AMPD2: variants seen among roughly 807,000 people sequenced by gnomAD.
AMPD2 encodes AMP deaminase 2.
In AMPD2, 52 loss-of-function variants were observed where a neutral mutation model predicts 91.3. The ratio of observed to expected loss-of-function variants is 0.57; its 90% CI spans 0.46 to 0.72. The LOEUF is 0.72. Among genes scored for constraint, AMPD2 ranks in the 30% least tolerant of loss-of-function variants. The pLI is 0.00. For missense variants in AMPD2, 822 were observed against 1,122.3 expected (o/e 0.73, Z 3.82); for synonymous variants, 455 against 456.4 (o/e 1.00, Z 0.04).
Position 109,624,100 on chromosome 1 carries a change from G to A in AMPD2, c.92-1203G>A. On this transcript the variant is annotated intron_variant, in intron 2 of 18. Transcript: ENST00000528667. The surrounding 1 kb of genome is among the most constrained non-coding windows in gnomAD (Gnocchi z 5.2). ...GCCTGCACTCTGCAGGTAGGGTTCA[G>A]GCAGGGGCCGGGGTGCGCAGGGGAC... is the stretch of plus-strand genomic sequence containing the variant. 1.0e-6 allele frequency: 1 copy of A among 985,490 alleles called. No homozygotes were observed. The highest frequency in any genetic ancestry group is 1.2e-6 in the Non-Finnish European group (1 of 829,920). 61.0% of individuals were successfully genotyped at this position (985,490 alleles called of 1,614,324 possible).
chr1:109,630,252 T>C lies in AMPD2; in HGVS notation c.2003T>C (p.Leu668Pro). Reference sequence around the variant, plus strand: ...GCCCAGGCCCCCGTCCTGCAGTACCTGTACTACCTGGCCCAGATCGGCATC... The same window carrying C: ...GCCCAGGCCCCCGTCCTGCAGTACCCGTACTACCTGGCCCAGATCGGCATC... ...LLRKAPVLQY[L>P]YYLAQIGIAM... The change falls in exon 17 of 19, where the codon CTG (leucine) becomes CCG (proline). Residue 668 changes from leucine to proline, a missense_variant. Transcript: ENST00000528667. 1 of 1,613,318 alleles carries C rather than the reference T, an allele frequency of 6.2e-7. No individual in the cohort carries two copies. Among genetic ancestry groups the C allele is most frequent in the Non-Finnish European group, 8.5e-7 (1 of 1,179,992 alleles).
chr1:109,626,106 G>A, intron 4 of AMPD2, 54 bp from the exon 5 acceptor site: 25 of 1,598,522 alleles, frequency 1.6e-5, no homozygotes, highest in Non-Finnish European at 2.1e-5. Context: ...TGGGACCTGG[G>A]AGCAAGGGCC....
chr1:109,621,056 T>C lies in AMPD2; in HGVS notation c.-120T>C. 6.2e-7 allele frequency: 1 copy of C among 1,607,246 alleles called. No individual in the cohort carries two copies. The highest frequency in any genetic ancestry group is 8.5e-7 in the Non-Finnish European group (1 of 1,177,228). Reference sequence around the variant, plus strand: ...GGGCCTCTTCCGCCTGCGGAGCCGCTGCTTCCTGCATCAGTCACTCCCGCT... The same window carrying C: ...GGGCCTCTTCCGCCTGCGGAGCCGCCGCTTCCTGCATCAGTCACTCCCGCT... On this transcript the variant is annotated 5_prime_UTR_variant, in exon 2 of 19. Coordinates refer to ENST00000528667, the MANE Select transcript of AMPD2 (RefSeq NM_001368809.2).
chr1:109,627,822 G>C lies in AMPD2; in HGVS notation c.999G>C (p.Gln333His), dbSNP rs139742325. 1 of 1,614,102 alleles carries C rather than the reference G, an allele frequency of 6.2e-7. No homozygotes were observed. Among genetic ancestry groups the C allele is most frequent in the East Asian group, 2.2e-5 (1 of 44,868 alleles). ...RRLQYLSSKFQMHVLLNEMKE... is the reference protein window; with the variant it reads ...RRLQYLSSKFHMHVLLNEMKE... ...TGCAGTACCTGAGCTCCAAGTTCCA[G>C]ATGCATGTGCTACTCAATGAGATGA... Residue 333 changes from glutamine (Q) to histidine (H), a missense_variant, in exon 10 of 19, where the codon CAG becomes CAC. Around this residue, in one of 5 missense-constraint regions of AMPD2, gnomAD observed 37 missense variants for 84.8 expected, o/e 0.44. Coordinates refer to ENST00000528667, the MANE Select transcript of AMPD2 (RefSeq NM_001368809.2).
intron 2 of AMPD2, 173 bp downstream of exon 2, chr1:109,621,439 T>TGGGGGGGGGGGGGGGGTGGG: frequency 8.2e-6 from 1 of 121,628 alleles, no homozygotes; most frequent in Non-Finnish European, 1.7e-5. Flanking sequence ...TGAGGGGTGG[T>TGGGGGGGGGGGGGGGGTGGG]GGGGGGCGGG....
intron 2 of AMPD2, chr1:109,622,341 C>T (rs12028540): frequency 0.12 from 54,627 of 455,388 alleles, 5,802 homozygotes; most frequent in East Asian, 0.31. Context: ...GGAGACCCTT[C>T]GGTGGTCAGA....
rs767732933 is a variant in AMPD2 at position 109,625,659 on chromosome 1, C to A, written c.223-3C>A. On this transcript the variant is annotated splice_region_variant and splice_polypyrimidine_tract_variant and intron_variant, in intron 3 of 18. Transcript: ENST00000528667. This position sits in a 1 kb window ranked among gnomAD's most constrained non-coding sequence, Gnocchi z 4.0. ...CATGCTGACCTTCCTTCCCTCCCCC[C>A]AGGAGCTGTTCACCCGCTCACTGGC... 3 of 1,613,776 alleles carry A rather than the reference C, an allele frequency of 1.9e-6. No individual in the cohort carries two copies. Among genetic ancestry groups the A allele is most frequent in the South Asian group, 2.2e-5 (2 of 91,058 alleles).
At position 109,627,332 on chromosome 1, in the gene AMPD2, T is replaced by A. The variant is rs1283731385; in HGVS notation, c.860+16T>A. The A allele has an allele frequency of 6.2e-7, 1 of 1,606,468 alleles. No homozygotes were observed. Among genetic ancestry groups the A allele is most frequent in the East Asian group, 2.2e-5 (1 of 44,612 alleles). On this transcript the variant is annotated intron_variant, in intron 8 of 18. Transcript: ENST00000528667. ...CCGACGAGCAGTAAGAGGGGTGTGG[T>A]GCATGTTGGGGGGATGCAGCGTGGG...
Position 109,620,073 on chromosome 1 carries a change from G to C in AMPD2, c.-468G>C. On this transcript the variant is annotated 5_prime_UTR_variant, in exon 1 of 19. Transcript: ENST00000528667. ...GCCTTGAGGCCAGTCCGGCTGCCGA[G>C]GTCTGCGGGAGTCCACCTCCGGCCA... is the stretch of plus-strand genomic sequence containing the variant. 1.5e-6 allele frequency: 1 copy of C among 687,784 alleles called. No homozygotes were observed. The highest frequency in any genetic ancestry group is 2.5e-6 in the Non-Finnish European group (1 of 404,706). The allele number at this position is 687,784 out of a possible 1,614,324, so 42.6% of individuals were successfully genotyped here. A position where few individuals can be genotyped will look rare whatever the true frequency, so the allele number is the denominator to read the frequency against.
chr1:109,630,846 G>A, intron 18 of AMPD2, 53 bp downstream of exon 18: 1 of 1,592,548 alleles, frequency 6.3e-7, no homozygotes. Flanking sequence ...CCCCTCCTCT[G>A]CATTTGGGGT....
chr1:109,620,060 G>T lies in AMPD2; in HGVS notation c.-481G>T, dbSNP rs1416967996. The T allele has an allele frequency of 1.1e-5, 7 of 636,210 alleles. No individual in the cohort carries two copies. Among genetic ancestry groups the T allele is most frequent in the Non-Finnish European group, 1.9e-5 (7 of 364,680 alleles). 39.4% of individuals were successfully genotyped at this position (636,210 alleles called of 1,614,324 possible). On this transcript the variant is annotated 5_prime_UTR_variant, in exon 1 of 19. Coordinates refer to ENST00000528667, the MANE Select transcript of AMPD2 (RefSeq NM_001368809.2). The stretch of plus-strand genomic sequence containing the variant: ...CGACACCGGGGTCGCCTTGAGGCCA[G>T]TCCGGCTGCCGAGGTCTGCGGGAGT...
intron 17 of AMPD2, 117 bp downstream of exon 17, chr1:109,630,523 A>T: frequency 9.1e-7 from 1 of 1,102,014 alleles, no homozygotes; most frequent in Non-Finnish European, 1.2e-6. Flanking sequence ...CCCTGCTGGT[A>T]GAGCATAGCT....
At chr1:109,627,045 G>T in intron 7 of AMPD2, 130 bp from the exon 8 acceptor site, 1 of 1,547,002 alleles carries the variant, frequency 6.5e-7, no homozygotes, top group Non-Finnish European at 8.8e-7. Context: ...GGGTACAGGG[G>T]TGGAGGTTGG....
Position 109,629,096 on chromosome 1 carries a change from G to A in AMPD2, c.1572-13G>A, listed in dbSNP as rs1370260788. 1.9e-6 allele frequency: 3 copies of A among 1,612,930 alleles called. No individual in the cohort carries two copies. The highest frequency in any genetic ancestry group is 1.7e-5 in the Admixed American group (1 of 59,944). On this transcript the variant is annotated splice_polypyrimidine_tract_variant and intron_variant, in intron 13 of 18. Transcript: ENST00000528667. ...CCTGACTTGCACATACCTGCATGTT[G>A]TCTCACCTGCAGTGATGTGTACCGT...
rs955866841 is a variant in AMPD2 at position 109,629,429 on chromosome 1, C to T, written c.1801C>T (p.Pro601Ser). The change falls in exon 15 of 19, where the codon CCC (proline) becomes TCC (serine). Residue 601 changes from proline (P) to serine (S), a missense_variant. Pro to Ser is a moderately conservative substitution (Grantham distance 74). Around this residue, in one of 5 missense-constraint regions of AMPD2, gnomAD observed 430 missense variants for 606.0 expected, o/e 0.71. Transcript: ENST00000528667. Reference protein sequence around the residue: ...PEAWVEEDNPPYAYYLYYTFA... With the variant: ...PEAWVEEDNPSYAYYLYYTFA... ...GGCGTGGGTGGAGGAGGACAACCCACCCTATGCCTACTACCTGTACTACAC... is the reference window on the plus strand; with the variant it reads ...GGCGTGGGTGGAGGAGGACAACCCATCCTATGCCTACTACCTGTACTACAC... 2 of 1,614,092 alleles carry T rather than the reference C, an allele frequency of 1.2e-6. No homozygotes were observed. Among genetic ancestry groups the T allele is most frequent in the African/African-American group, 1.3e-5 (1 of 75,024 alleles).
At position 109,628,295 on chromosome 1, in the gene AMPD2, G is replaced by A; in HGVS notation, c.1275+18G>A. On this transcript the variant is annotated intron_variant, in intron 11 of 18. Coordinates refer to ENST00000528667, the MANE Select transcript of AMPD2 (RefSeq NM_001368809.2). The surrounding 1 kb of genome is among the most constrained non-coding windows in gnomAD (Gnocchi z 7.1). ...TGCATGCGGTCTGTGCCAGTGGCGTGGGCTGTGGGACTGAGTCAGTCAGGG... is the reference window on the plus strand; with the variant it reads ...TGCATGCGGTCTGTGCCAGTGGCGTAGGCTGTGGGACTGAGTCAGTCAGGG... 6.2e-7 allele frequency: 1 copy of A among 1,612,828 alleles called. No homozygotes were observed. Among genetic ancestry groups the A allele is most frequent in the Non-Finnish European group, 8.5e-7 (1 of 1,179,028 alleles).
intron 2 of AMPD2, among the ~76,000 whole-genome samples, chr1:109,622,545 G>A (rs1015489587): frequency 2.6e-5 from 4 of 152,196 alleles, no homozygotes; most frequent in African/African-American, 9.7e-5. Context: ...GTGGGTGTAT[G>A]TGTGTGGTGC....
chr1:109,630,065 C>A (rs1651080696), intron 16 of AMPD2, 149 bp downstream of exon 16: 5 of 1,409,988 alleles, frequency 3.5e-6, no homozygotes, highest in African/African-American at 1.4e-5. Context: ...CCCCAGCCTT[C>A]AGCCTGGGGC....
rs896277454 is a variant in AMPD2, at chr1:109,631,418, G to A, written c.*266G>A. 3 of 548,238 alleles carry A rather than the reference G, an allele frequency of 5.5e-6. No homozygotes were observed. Among genetic ancestry groups the A allele is most frequent in the African/African-American group, 1.9e-5 (1 of 52,742 alleles). 34.0% of individuals were successfully genotyped at this position (548,238 alleles called of 1,614,324 possible). On this transcript the variant is annotated 3_prime_UTR_variant, in exon 19 of 19. Coordinates refer to ENST00000528667, the MANE Select transcript of AMPD2 (RefSeq NM_001368809.2). ...TGGCCCTGTCCTGGGATCCTCAGAA[G>A]CCTGACTGTCCTATGGGCTTCTCCA...
Sources: allele counts gnomAD v4.1 joint callset (sites outside exome capture counted in the v4.1 genomes callset), GRCh38; gene constraint gnomAD v4.1.1; regional missense constraint gnomAD v4.1.1; non-coding constraint Gnocchi (gnomAD v3.1); transcripts MANE v1.5; gene names NCBI Gene and HGNC (gene_info 2026-07-23, HGNC 2026-07-21).